PRKAG2: variants seen among roughly 807,000 people sequenced by gnomAD.
The protein encoded by PRKAG2 is protein kinase AMP-activated non-catalytic subunit gamma 2, also known as 5'-AMP-activated protein kinase subunit gamma-2.
PRKAG2 carries 26 observed loss-of-function variants against 69.6 expected under a neutral mutation model. That is an observed-to-expected ratio of 0.37 (90% CI 0.27 to 0.52). The LOEUF (loss-of-function observed/expected upper bound fraction) is 0.52. PRKAG2 is among the 20% of genes least tolerant of loss of function. PRKAG2 has a pLI of 0.90. For missense variants in PRKAG2, 557 were observed against 740.0 expected, an observed-to-expected ratio of 0.75 and a Z score of 2.87; for synonymous variants, 293 against 285.0, an observed-to-expected ratio of 1.03 and a Z score of -0.28.
chr7:151,571,107 T>C (rs909007515), intron 9 of PRKAG2, among the ~76,000 whole-genome samples: 3 of 148,310 alleles, frequency 2.0e-5, no homozygotes, highest in Non-Finnish European at 3.0e-5. Flanking sequence ...AGTTTTGCTC[T>C]GTTGCCCAGG....
chr7:151,744,553 A>T (rs1290683812), intron 3 of PRKAG2, among the ~76,000 whole-genome samples: 1 of 152,234 alleles, frequency 6.6e-6, no homozygotes, highest in African/African-American at 2.4e-5. Flanking sequence ...ACTTCCAATT[A>T]TATCAAAACC....
rs965182699 is a variant in PRKAG2 at position 151,618,047 on chromosome 7, T to G, written c.754+14022A>C. On this transcript the variant is annotated intron_variant, in intron 5 of 15. Transcript: ENST00000287878. ...AAATTAAACTCATAAGTTGGCTGGG[T>G]GCGGTGGCTCATGGCTGTAATCCTA... Among the ~76,000 whole-genome samples the G allele has an allele frequency of 3.9e-5, 6 of 152,062 alleles. No individual in the cohort carries two copies. In the South Asian group the frequency reaches 1.2e-3, roughly 31 times the overall value.
chr7:151,856,630 T>A (rs7803846), intron 1 of PRKAG2, among the ~76,000 whole-genome samples: 58,340 of 151,916 alleles, frequency 0.38, 12,741 homozygotes, highest in East Asian at 0.54. Flanking sequence ...TGCTGATGAG[T>A]TAAATGGCAA....
At chr7:151,811,988 A>C (rs943274501) in intron 1 of PRKAG2, among the ~76,000 whole-genome samples, 2 of 152,176 alleles carry the variant, frequency 1.3e-5, no homozygotes, top group African/African-American at 4.8e-5. Flanking sequence ...TAAAAGGGAA[A>C]TCTCCCAGGA....
chr7:151,714,358 G>A (rs922176356), intron 3 of PRKAG2, among the ~76,000 whole-genome samples: 7 of 149,778 alleles, frequency 4.7e-5, no homozygotes, highest in Non-Finnish European at 1.0e-4. Flanking sequence ...CCTCCCACAC[G>A]CACGCTGCCG....
At chr7:151,787,693 C>CA (rs111605341) in intron 1 of PRKAG2, among the ~76,000 whole-genome samples, 4,121 of 151,898 alleles carry the variant, frequency 0.027, 161 homozygotes, top group African/African-American at 0.087. Context: ...CCCTTCCCAC[C>CA]AAAAAAAATC....
Position 151,835,176 on chromosome 7 carries a change from C to T in PRKAG2, c.114+41331G>A, listed in dbSNP as rs2079119386. ...GGATTTGGACACATCTTTTAGGAGA[C>T]ACACAATTCAACTCATAACAGGGTG... On this transcript the variant is annotated intron_variant, in intron 1 of 15. Coordinates refer to ENST00000287878, the MANE Select transcript of PRKAG2 (RefSeq NM_016203.4). This position sits in a 1 kb window ranked among gnomAD's most constrained non-coding sequence, Gnocchi z 4.1. Among the ~76,000 whole-genome samples the T allele has an allele frequency of 1.3e-5, 2 of 152,186 alleles. No homozygotes were observed. The highest frequency in any genetic ancestry group is 4.2e-4 in the South Asian group (2 of 4,812).
At chr7:151,775,896 G>A (rs762651051) in intron 3 of PRKAG2, among the ~76,000 whole-genome samples, 1 of 152,196 alleles carries the variant, frequency 6.6e-6, no homozygotes, top group African/African-American at 2.4e-5. Flanking sequence ...CTAGGGCAGT[G>A]GGGGAGCAAT....
chr7:151,859,654 A>G (rs912294794), intron 1 of PRKAG2, among the ~76,000 whole-genome samples: 19 of 152,312 alleles, frequency 1.2e-4, no homozygotes, highest in African/African-American at 4.6e-4. Context: ...CACAGCCCAC[A>G]GTGCCAGAGC....
At position 151,638,514 on chromosome 7, in the gene PRKAG2, G is replaced by T. The variant is rs962798515; in HGVS notation, c.685-6376C>A. Reference sequence around the variant, plus strand: ...CCGGGCATGGTTGCGCACACCTGTAGTCCCAGCTACTCGGGAGGCTGAGGC... The same window carrying T: ...CCGGGCATGGTTGCGCACACCTGTATTCCCAGCTACTCGGGAGGCTGAGGC... On this transcript the variant is annotated intron_variant, in intron 4 of 15. Transcript: ENST00000287878. This position sits in a 1 kb window ranked among gnomAD's most constrained non-coding sequence, Gnocchi z 4.3. Among the ~76,000 whole-genome samples, 1 of 152,026 alleles carries T rather than the reference G, an allele frequency of 6.6e-6. No homozygotes were observed. Among genetic ancestry groups the T allele is most frequent in the Non-Finnish European group, 1.5e-5 (1 of 68,000 alleles).
In PRKAG2 at chr7:151,590,219, G is replaced by A. The variant is rs144869531; in HGVS notation, c.864+5126C>T. ...CTCAGTATGACAGCATTCTGTGAGT[G>A]CGCTGGGGCCTCTGAGAAAACCTCA... is the stretch of plus-strand genomic sequence containing the variant. On this transcript the variant is annotated intron_variant, in intron 6 of 15. Transcript: ENST00000287878. Among the ~76,000 whole-genome samples, 183 of 152,348 alleles carry A rather than the reference G, an allele frequency of 1.2e-3. 1 individual carries two copies. The highest frequency in any genetic ancestry group is 4.2e-3 in the African/African-American group (176 of 41,572).
Position 151,614,576 on chromosome 7 carries a change from C to T in PRKAG2, c.754+17493G>A, listed in dbSNP as rs939352095. Among the ~76,000 whole-genome samples the T allele has an allele frequency of 6.6e-5, 10 of 152,134 alleles. No individual in the cohort carries two copies. Among genetic ancestry groups the T allele is most frequent in the African/African-American group, 2.4e-4 (10 of 41,426 alleles). On this transcript the variant is annotated intron_variant, in intron 5 of 15. Coordinates refer to ENST00000287878, the MANE Select transcript of PRKAG2 (RefSeq NM_016203.4). The surrounding 1 kb of genome is among the most constrained non-coding windows in gnomAD (Gnocchi z 4.4). ...GCTCTCCTTCACCTCCGCCCCTCAC[C>T]AGCTTGCTTCCCGCTCTCTCTCCCC...
intron 1 of PRKAG2, among the ~76,000 whole-genome samples, chr7:151,823,320 A>C (rs775735546): frequency 6.6e-6 from 1 of 152,076 alleles, no homozygotes; most frequent in African/African-American, 2.4e-5. Flanking sequence ...TTTTAAAAGA[A>C]ATATCTCAGA....
At chr7:151,572,630 T>C (rs749440483) in intron 9 of PRKAG2, 34 bp downstream of exon 9, 3 of 1,509,558 alleles carry the variant, frequency 2.0e-6, no homozygotes, top group East Asian at 2.3e-5. Context: ...GCTTTCCCGA[T>C]ACTAAAAGAT....
At chr7:151,595,499 C>T in intron 5 of PRKAG2, 45 bp from the exon 6 acceptor site, 1 of 1,322,386 alleles carries the variant, frequency 7.6e-7, no homozygotes, top group Non-Finnish European at 1.1e-6. Context: ...AAAGAATTCC[C>T]TCAATCGGAT....
At chr7:151,809,095 G>A (rs1224511824) in intron 1 of PRKAG2, among the ~76,000 whole-genome samples, 1 of 152,240 alleles carries the variant, frequency 6.6e-6, no homozygotes, top group African/African-American at 2.4e-5. Context: ...TGACTCAGAG[G>A]GAAGGGGTGG....
At chr7:151,843,862 A>G (rs1231184633) in intron 1 of PRKAG2, among the ~76,000 whole-genome samples, 2 of 152,230 alleles carry the variant, frequency 1.3e-5, no homozygotes, top group African/African-American at 4.8e-5. Context: ...ATCCATGGAC[A>G]TGTCATGGCA....
At chr7:151,616,303 G>A (rs1173203747) in intron 5 of PRKAG2, among the ~76,000 whole-genome samples, 2 of 152,100 alleles carry the variant, frequency 1.3e-5, no homozygotes, top group African/African-American at 4.8e-5. Flanking sequence ...TATGCACACA[G>A]GCACACACAC....
At chr7:151,631,932 C>T (rs1249582087) in intron 5 of PRKAG2, 137 bp downstream of exon 5, 14 of 931,934 alleles carry the variant, frequency 1.5e-5, no homozygotes, top group South Asian at 4.4e-5. Flanking sequence ...GGTTCCCGCC[C>T]CGGCCCCTGG....
Sources: allele counts gnomAD v4.1 joint callset (sites outside exome capture counted in the v4.1 genomes callset), GRCh38; gene constraint gnomAD v4.1.1; non-coding constraint Gnocchi (gnomAD v3.1); transcripts MANE v1.5; gene names NCBI Gene and HGNC (gene_info 2026-07-23, HGNC 2026-07-21).